STAT5B: variants seen among roughly 807,000 people sequenced by gnomAD.
The protein encoded by STAT5B is transcription factor STAT5B.
STAT5B carries 21 observed loss-of-function variants against 107.8 expected under a neutral mutation model. The ratio of observed to expected loss-of-function variants is 0.19; its 90% CI spans 0.14 to 0.28. The LOEUF (loss-of-function observed/expected upper bound fraction) is 0.28. STAT5B is among the 10% of genes least tolerant of loss of function. The probability of loss-of-function intolerance (pLI) is 1.00; values close to 1 mark genes in which losing one functional copy is unlikely to be tolerated. For missense variants in STAT5B, 565 were observed against 1,008.2 expected, an observed-to-expected ratio of 0.56 and a Z score of 5.95; for synonymous variants, 325 against 401.7, an observed-to-expected ratio of 0.81 and a Z score of 2.28.
At chr17:42,238,028 A>C (rs2080370076) in intron 1 of STAT5B, among the ~76,000 whole-genome samples, 1 of 152,160 alleles carries the variant, frequency 6.6e-6, no homozygotes, top group Non-Finnish European at 1.5e-5. Context: ...CTTTCCAAAA[A>C]TCAATCCTCC....
chr17:42,261,471 A>T (rs2144392921), intron 1 of STAT5B, among the ~76,000 whole-genome samples: 1 of 152,340 alleles, frequency 6.6e-6, no homozygotes, highest in Middle Eastern at 3.4e-3. Context: ...TATTCCCCAA[A>T]CTGGCTTAAA....
intron 16 of STAT5B, among the ~76,000 whole-genome samples, chr17:42,206,080 T>A (rs1393175133): frequency 1.3e-5 from 2 of 152,180 alleles, no homozygotes; most frequent in Non-Finnish European, 2.9e-5. Flanking sequence ...TTTGTTTGTT[T>A]TTGAGATGGA....
At chr17:42,274,164 G>C (rs1160388190) in intron 1 of STAT5B, among the ~76,000 whole-genome samples, 1 of 149,922 alleles carries the variant, frequency 6.7e-6, no homozygotes, top group Non-Finnish European at 1.5e-5. Flanking sequence ...AGGTGGGATA[G>C]TTTACCTAGT....
At chr17:42,214,079 G>T in intron 12 of STAT5B, 1 of 379,926 alleles carries the variant, frequency 2.6e-6, no homozygotes, top group Non-Finnish European at 3.6e-6. Context: ...GAAGGCAGAA[G>T]CTGCAGTGAG....
chr17:42,220,487 C>T (rs1170550468), intron 5 of STAT5B, among the ~76,000 whole-genome samples: 14 of 152,168 alleles, frequency 9.2e-5, no homozygotes, highest in South Asian at 2.1e-4. Context: ...CCAGCCCCGG[C>T]GGCTCTGTCT....
chr17:42,273,656 G>A (rs2080739577), intron 1 of STAT5B, among the ~76,000 whole-genome samples: 1 of 152,114 alleles, frequency 6.6e-6, no homozygotes, highest in Admixed American at 6.5e-5. Context: ...GGCTTCCTTC[G>A]ATTCCACCTG....
intron 3 of STAT5B, 130 bp downstream of exon 3, chr17:42,227,399 A>T: frequency 7.4e-7 from 1 of 1,352,692 alleles, no homozygotes; most frequent in Non-Finnish European, 1.0e-6. Context: ...AAAAAGACCA[A>T]AACCACACAA....
At chr17:42,232,283 C>G (rs2080323751) in intron 1 of STAT5B, 146 bp from the exon 2 acceptor site, 9 of 877,390 alleles carry the variant, frequency 1.0e-5, no homozygotes, top group Non-Finnish European at 1.3e-5. Flanking sequence ...CAGTCTCGCT[C>G]TGCCACCCAA....
chr17:42,265,772 G>A (rs1272776008), intron 1 of STAT5B, among the ~76,000 whole-genome samples: 2 of 152,058 alleles, frequency 1.3e-5, no homozygotes, highest in Non-Finnish European at 2.9e-5. Context: ...AAGCAACACT[G>A]CTCTTATTTT....
chr17:42,258,546 G>A (rs1161386358), intron 1 of STAT5B, among the ~76,000 whole-genome samples: 1 of 152,228 alleles, frequency 6.6e-6, no homozygotes, highest in Non-Finnish European at 1.5e-5. Flanking sequence ...GGGCATGGTG[G>A]AACTTGCCTG....
chr17:42,249,850 CG>C lies in STAT5B; in HGVS notation c.-10-17714del, dbSNP rs1414314601. On this transcript the variant is annotated intron_variant, in intron 1 of 18. Coordinates refer to ENST00000293328, the MANE Select transcript of STAT5B (RefSeq NM_012448.4). ...TCATTTTTTGTATTTTTAGTAGAAA[CG>C]GGGCTTCATTATGTTGCCCAGGCTG... is the stretch of plus-strand genomic sequence containing the variant. Among the ~76,000 whole-genome samples, 3 of 151,880 alleles carry C rather than the reference CG, an allele frequency of 2.0e-5. No individual in the cohort carries two copies. In the East Asian group the frequency reaches 5.8e-4, roughly 29 times the overall value.
chr17:42,249,266 G>A (rs2080478117), intron 1 of STAT5B, among the ~76,000 whole-genome samples: 1 of 152,094 alleles, frequency 6.6e-6, no homozygotes, highest in Non-Finnish European at 1.5e-5. Context: ...GGTGGCGCGT[G>A]ACTGTAATCC....
chr17:42,241,737 C>T (rs1296332419), intron 1 of STAT5B, among the ~76,000 whole-genome samples: 1 of 152,118 alleles, frequency 6.6e-6, no homozygotes, highest in Non-Finnish European at 1.5e-5. Flanking sequence ...GCCACCATGC[C>T]TAGCCTAGTA....
intron 5 of STAT5B, among the ~76,000 whole-genome samples, chr17:42,222,160 ATGTGTGTGG>A (rs1179084615): frequency 1.1e-5 from 1 of 88,986 alleles, no homozygotes; most frequent in Non-Finnish European, 2.3e-5. Context: ...TGTGTGTGTG[ATGTGTGTGG>A]TGTGTGTGTG....
At chr17:42,246,106 T>A (rs1196790132) in intron 1 of STAT5B, among the ~76,000 whole-genome samples, 1 of 152,240 alleles carries the variant, frequency 6.6e-6, no homozygotes, top group Admixed American at 6.5e-5. Context: ...GTACAATTTT[T>A]GTAAAGTTTT....
intron 1 of STAT5B, among the ~76,000 whole-genome samples, chr17:42,232,766 A>G (rs912400182): frequency 1.3e-5 from 2 of 152,058 alleles, no homozygotes; most frequent in Non-Finnish European, 2.9e-5. Context: ...CATCGTAGAC[A>G]TATTCTTTAC....
At chr17:42,263,950 C>T (rs1053069639) in intron 1 of STAT5B, among the ~76,000 whole-genome samples, 2 of 151,480 alleles carry the variant, frequency 1.3e-5, no homozygotes, top group African/African-American at 4.9e-5. Context: ...TTTTCAGCGC[C>T]TGTTCTTTTT....
At chr17:42,210,742 GACTGGGC>G in intron 13 of STAT5B, 1 of 517,792 alleles carries the variant, frequency 1.9e-6, no homozygotes, top group South Asian at 2.0e-5. Flanking sequence ...TTTCACCTGG[GACTGGGC>G]TGACCCGTCC....
chr17:42,267,175 C>T (rs188321158), intron 1 of STAT5B, among the ~76,000 whole-genome samples: 14 of 152,264 alleles, frequency 9.2e-5, no homozygotes, highest in Admixed American at 4.6e-4. Flanking sequence ...GAAAGTCTAG[C>T]ACATACAATT....
Sources: gnomAD v4.1 joint callset for allele counts (sites outside exome capture counted in the v4.1 genomes callset) on GRCh38, gnomAD v4.1.1 for gene constraint, MANE v1.5 for transcripts, NCBI Gene and HGNC (gene_info 2026-07-23, HGNC 2026-07-21) for gene names.